The following TIAM1 variants were observed in gnomAD, a reference collection of about 807,000 sequenced individuals.
The protein encoded by TIAM1 is TIAM Rac1 associated GEF 1.
In TIAM1, 65 loss-of-function variants were observed where a neutral mutation model predicts 163.5. That is an observed-to-expected ratio of 0.40 (90% CI 0.33 to 0.49). The LOEUF is 0.49. TIAM1 is among the 20% of genes least tolerant of loss of function. The pLI is 0.77. For synonymous variants in TIAM1, 833 were observed against 810.1 expected (o/e 1.03, Z -0.48); for missense variants, 1,789 against 2,044.7 (o/e 0.87, Z 2.41).
rs1162520566 is a variant in TIAM1, at chr21:31,210,592, A to AAGAAAGAAAGAAAG, written c.2218-378_2218-377insCTTTCTTTCTTTCT. ...AAAGAAAGAAAGAAAGAAAGAAAGAAAGAGAGAAAGAAGGAAGGAAGGGAG... is the reference window on the plus strand; with the variant it reads ...AAAGAAAGAAAGAAAGAAAGAAAGAAAGAAAGAAAGAAAGAGAGAGAAAGAAGGAAGGAAGGGAG... On this transcript the variant is annotated intron_variant, in intron 10 of 27. Coordinates refer to ENST00000541036, the MANE Select transcript of TIAM1 (RefSeq NM_001353694.2). Among the ~76,000 whole-genome samples, 140 of 88,718 alleles carry AAGAAAGAAAGAAAG rather than the reference A, an allele frequency of 1.6e-3. 3 individuals are homozygous for AAGAAAGAAAGAAAG. The highest frequency in any genetic ancestry group is 9.0e-3 in the East Asian group (20 of 2,232). 58.2% of individuals were successfully genotyped at this position (88,718 alleles called of 152,430 possible). A position where few individuals can be genotyped will look rare whatever the true frequency, so the allele number is the denominator to read the frequency against.
At chr21:31,294,626 C>T (rs1414624363) in intron 2 of TIAM1, among the ~76,000 whole-genome samples, 3 of 151,986 alleles carry the variant, frequency 2.0e-5, no homozygotes, top group East Asian at 1.9e-4. Context: ...AAAAGAGAGC[C>T]GTTGGGTATG....
At chr21:31,349,935 G>C (rs2076207376) in intron 2 of TIAM1, among the ~76,000 whole-genome samples, 1 of 152,208 alleles carries the variant, frequency 6.6e-6, no homozygotes, top group Admixed American at 6.5e-5. Context: ...GCCCAACACT[G>C]TCTCTAAATG....
intron 6 of TIAM1, among the ~76,000 whole-genome samples, chr21:31,228,254 A>AGGAG (rs2088174327): frequency 2.0e-5 from 2 of 102,166 alleles, no homozygotes; most frequent in African/African-American, 3.4e-5. Flanking sequence ...AAAAAAAAAA[A>AGGAG]AAAAAGGAAG....
At chr21:31,270,127 T>G (rs2072992252) in intron 3 of TIAM1, among the ~76,000 whole-genome samples, 1 of 152,256 alleles carries the variant, frequency 6.6e-6, no homozygotes, top group South Asian at 2.1e-4. Flanking sequence ...TGGGTTTTGT[T>G]GTTCCTGTAG....
At chr21:31,144,990 C>G (rs2083045644) in intron 20 of TIAM1, among the ~76,000 whole-genome samples, 1 of 151,880 alleles carries the variant, frequency 6.6e-6, no homozygotes, top group African/African-American at 2.4e-5. Context: ...AAAAATAACA[C>G]AAATTGCTCA....
At chr21:31,546,356 C>T (rs1451242361) in intron 1 of TIAM1, among the ~76,000 whole-genome samples, 1 of 151,954 alleles carries the variant, frequency 6.6e-6, no homozygotes, top group Non-Finnish European at 1.5e-5. Flanking sequence ...TCGAGACCAG[C>T]CTGGCCAACA....
intron 14 of TIAM1, among the ~76,000 whole-genome samples, chr21:31,184,883 T>C (rs935537967): frequency 1.3e-5 from 2 of 152,186 alleles, no homozygotes; most frequent in Admixed American, 1.3e-4. Context: ...CGTCACACCT[T>C]TGCCTTTCCA....
intron 16 of TIAM1, among the ~76,000 whole-genome samples, chr21:31,164,401 A>G (rs2084104841): frequency 6.6e-6 from 1 of 152,090 alleles, no homozygotes; most frequent in African/African-American, 2.4e-5. Flanking sequence ...AAAAAAAAAA[A>G]AAAAAATTAT....
chr21:31,453,032 T>C (rs916153823), intron 2 of TIAM1: 14 of 456,516 alleles, frequency 3.1e-5, no homozygotes, highest in Non-Finnish European at 6.1e-5. Context: ...ATCTTCTCAT[T>C]GGAGATCTTC....
chr21:31,272,153 C>A (rs916763259), intron 3 of TIAM1, among the ~76,000 whole-genome samples: 1 of 152,154 alleles, frequency 6.6e-6, no homozygotes, highest in Non-Finnish European at 1.5e-5. Context: ...AATCATCTGA[C>A]ACAAAGCGTA....
At chr21:31,315,679 C>CAAAAAAAAAAAAAAAAAAA (rs58560437) in intron 2 of TIAM1, among the ~76,000 whole-genome samples, 54 of 80,240 alleles carry the variant, frequency 6.7e-4, no homozygotes, top group African/African-American at 1.4e-3. Flanking sequence ...AACTCCATCT[C>CAAAAAAAAAAAAAAAAAAA]AAAAAAAAAA....
At chr21:31,287,710 G>A (rs949283611) in intron 2 of TIAM1, among the ~76,000 whole-genome samples, 3 of 152,230 alleles carry the variant, frequency 2.0e-5, no homozygotes, top group Admixed American at 2.0e-4. Context: ...AGTGAGGCGA[G>A]TGCATGGGAA....
At chr21:31,163,355 G>C (rs1355073830) in intron 16 of TIAM1, among the ~76,000 whole-genome samples, 1 of 152,146 alleles carries the variant, frequency 6.6e-6, no homozygotes, top group Non-Finnish European at 1.5e-5. Context: ...AAATGTAAGG[G>C]TCACCTAAAT....
chr21:31,542,241 C>T (rs758261222), intron 1 of TIAM1, among the ~76,000 whole-genome samples: 1 of 151,792 alleles, frequency 6.6e-6, no homozygotes, highest in Non-Finnish European at 1.5e-5. Flanking sequence ...CTGGCTAACA[C>T]GGTGAAACTC....
intron 2 of TIAM1, among the ~76,000 whole-genome samples, chr21:31,296,042 G>A (rs144243624): frequency 0.016 from 2,465 of 152,134 alleles, 81 homozygotes; most frequent in African/African-American, 0.056. Flanking sequence ...CAGGTGACCC[G>A]CCTGCCTCAG....
intron 2 of TIAM1, among the ~76,000 whole-genome samples, chr21:31,443,432 AG>A (rs2044508900): frequency 6.6e-6 from 1 of 152,238 alleles, no homozygotes; most frequent in South Asian, 2.1e-4. Context: ...TTTCCTTTTA[AG>A]GAAAGATCTG....
At chr21:31,126,583 A>AATAT (rs935653955) in intron 26 of TIAM1, among the ~76,000 whole-genome samples, 66 of 151,802 alleles carry the variant, frequency 4.3e-4, no homozygotes, top group East Asian at 2.7e-3. Flanking sequence ...TAAATAAATA[A>AATAT]ATATATATAT....
At chr21:31,448,550 G>A (rs2044711515) in intron 2 of TIAM1, among the ~76,000 whole-genome samples, 1 of 150,282 alleles carries the variant, frequency 6.7e-6, no homozygotes, top group African/African-American at 2.5e-5. Context: ...AGATTGCAGT[G>A]AGCCAAGATT....
chr21:31,499,448 T>C (rs548205499), intron 1 of TIAM1, among the ~76,000 whole-genome samples: 5 of 151,750 alleles, frequency 3.3e-5, no homozygotes, highest in Non-Finnish European at 7.4e-5. Context: ...CACGGGGGCA[T>C]GAGGATCACT....
Sources: gnomAD v4.1 joint callset for allele counts (sites outside exome capture counted in the v4.1 genomes callset) on GRCh38, gnomAD v4.1.1 for gene constraint, MANE v1.5 for transcripts, NCBI Gene and HGNC (gene_info 2026-07-23, HGNC 2026-07-21) for gene names.